Variants in NRP2 observed in about 807,000 individuals in gnomAD.
NRP2 encodes the protein neuropilin 2.
A neutral mutation model predicts 110.4 loss-of-function variants in NRP2; 52 were observed. The observed-to-expected ratio is 0.47, with a 90% CI of 0.38 to 0.59. The LOEUF is 0.59. Ranked by LOEUF, NRP2 falls within the 20% of genes least tolerant of loss-of-function variation. The probability of loss-of-function intolerance (pLI) is 0.00; values close to 1 mark genes in which losing one functional copy is unlikely to be tolerated. For missense variants in NRP2, 1,049 were observed against 1,203.0 expected (o/e 0.87, Z 1.89); for synonymous variants, 508 against 468.9 (o/e 1.08, Z -1.08).
Position 205,745,826 on chromosome 2 carries a change from C to T in NRP2, c.1722C>T (p.Tyr574=), listed in dbSNP as rs754651442. The T allele has an allele frequency of 4.3e-6, 7 of 1,614,064 alleles. No individual in the cohort carries two copies. In the South Asian group the frequency reaches 6.6e-5, roughly 15 times the overall value. The change falls in exon 10 of 17, where the codon TAC becomes TAT. Residue 574 remains tyrosine (Y), a synonymous_variant. Coordinates refer to ENST00000357785, the MANE Select transcript of NRP2 (RefSeq NM_003872.3). ...TTCCGGCACAGTATGTGCGGGTATA[C>T]CCGGAGAGGTGGTCGCCGGCGGGGA... is the stretch of plus-strand genomic sequence containing the variant. ...DPIPAQYVRV[Y]PERWSPAGIG...
chr2:205,688,210 G>A (rs1436281791), intron 1 of NRP2, among the ~76,000 whole-genome samples: 1 of 152,204 alleles, frequency 6.6e-6, no homozygotes, highest in African/African-American at 2.4e-5. Flanking sequence ...TCTGGGCAAT[G>A]GCTTGTAGTG....
chr2:205,723,498 T>C (rs1194490181), intron 4 of NRP2, among the ~76,000 whole-genome samples: 2 of 152,254 alleles, frequency 1.3e-5, no homozygotes, highest in Admixed American at 6.5e-5. Context: ...TCTTCCTCTG[T>C]AGAACAGACA....
intron 4 of NRP2, 148 bp downstream of exon 4, chr2:205,722,856 G>C (rs1461604989): frequency 1.5e-6 from 1 of 676,558 alleles, no homozygotes; most frequent in Non-Finnish European, 2.6e-6. Context: ...CCTTCACTAA[G>C]GATAGCTTGA....
chr2:205,735,789 A>G (rs1266481145), intron 7 of NRP2, among the ~76,000 whole-genome samples: 1 of 152,184 alleles, frequency 6.6e-6, no homozygotes, highest in African/African-American at 2.4e-5. Context: ...ATGCTGGATT[A>G]TATTCAGAAT....
At chr2:205,771,674 C>T (rs2058025577) in intron 15 of NRP2, among the ~76,000 whole-genome samples, 1 of 152,190 alleles carries the variant, frequency 6.6e-6, no homozygotes, top group East Asian at 1.9e-4. Context: ...CACGCCAATC[C>T]TCAGACAGGT....
intron 3 of NRP2, among the ~76,000 whole-genome samples, chr2:205,718,799 G>A (rs1042204867): frequency 2.6e-5 from 4 of 152,028 alleles, no homozygotes; most frequent in African/African-American, 7.2e-5. Context: ...AAACTTAGCC[G>A]GGCATGGTGG....
intron 6 of NRP2, among the ~76,000 whole-genome samples, chr2:205,727,125 G>A (rs2057142710): frequency 6.6e-6 from 1 of 152,206 alleles, no homozygotes; most frequent in South Asian, 2.1e-4. Context: ...CAAATGTTTA[G>A]TAATGCTGAG....
Position 205,743,378 on chromosome 2 carries a change from G to T in NRP2, c.1467G>T (p.Gln489His). 6.2e-7 allele frequency: 1 copy of T among 1,614,244 alleles called. No individual in the cohort carries two copies. Among genetic ancestry groups the T allele is most frequent in the Non-Finnish European group, 8.5e-7 (1 of 1,180,054 alleles). ...CCCAGCCCGGTGAGGAGTGGCTTCA[G>T]GTAGATCTGGGAACACCCAAGACAG... ...PQAQPGEEWL[Q>H]VDLGTPKTVK... Residue 489 changes from glutamine (Q) to histidine (H), a missense_variant, in exon 9 of 17, where the codon CAG becomes CAT. Physicochemically the swap from Gln to His is conservative, Grantham distance 24 (BLOSUM62 0). Transcript: ENST00000357785.
intron 1 of NRP2, among the ~76,000 whole-genome samples, chr2:205,696,361 C>G (rs575045528): frequency 6.6e-6 from 1 of 152,182 alleles, no homozygotes; most frequent in Non-Finnish European, 1.5e-5. Flanking sequence ...ACATAATTCA[C>G]GGGCCCATGC....
chr2:205,728,048 T>TA lies in NRP2; in HGVS notation c.1146+5dup, dbSNP rs1262649356. The TA allele has an allele frequency of 6.2e-7, 1 of 1,614,026 alleles. No homozygotes were observed. The highest frequency in any genetic ancestry group is 1.1e-5 in the South Asian group (1 of 91,074). On this transcript the variant is annotated splice_region_variant and intron_variant, in intron 7 of 16. Transcript: ENST00000357785. ...TACCGGCATGGCAAAAACCACAAGGTAAATCCATGATCCTACCTTAAAGGC... is the reference window on the plus strand; with the variant it reads ...TACCGGCATGGCAAAAACCACAAGGTAAAATCCATGATCCTACCTTAAAGGC...
chr2:205,754,525 C>T (rs1229867626), intron 12 of NRP2, among the ~76,000 whole-genome samples: 1 of 152,202 alleles, frequency 6.6e-6, no homozygotes, highest in East Asian at 1.9e-4. Flanking sequence ...ACACTTACCC[C>T]AGTCCAGCCT....
At chr2:205,778,545 A>G (rs927430617) in intron 15 of NRP2, 1 of 152,250 alleles carries the variant, frequency 6.6e-6, no homozygotes, top group African/African-American at 2.4e-5. Flanking sequence ...TATGCCACTC[A>G]TTAAGGGCTT....
intron 2 of NRP2, among the ~76,000 whole-genome samples, chr2:205,707,231 G>C (rs73062302): frequency 0.021 from 3,189 of 152,324 alleles, 110 homozygotes; most frequent in African/African-American, 0.072. Context: ...GGCCCGGGCT[G>C]CCTGTGCAGC....
chr2:205,732,572 C>G (rs548791812), intron 7 of NRP2, among the ~76,000 whole-genome samples: 2 of 152,194 alleles, frequency 1.3e-5, no homozygotes, highest in Non-Finnish European at 2.9e-5. Context: ...CGGCAAAGCA[C>G]CTTGAGATCT....
intron 4 of NRP2, among the ~76,000 whole-genome samples, chr2:205,723,175 A>T (rs934210031): frequency 1.4e-4 from 21 of 152,318 alleles, no homozygotes; most frequent in African/African-American, 4.8e-4. Flanking sequence ...CTATAATTTT[A>T]AAATTGTCAT....
rs1026755385 is a variant in NRP2, at chr2:205,797,596, C to T, written c.*2538C>T. 6.5e-6 allele frequency: 1 copy of T among 152,704 alleles called. No homozygotes were observed. The highest frequency in any genetic ancestry group is 2.4e-5 in the African/African-American group (1 of 41,536). The allele number at this position is 152,704 out of a possible 1,614,324, so 9.5% of individuals were successfully genotyped here. On this transcript the variant is annotated 3_prime_UTR_variant, in exon 17 of 17. Coordinates refer to ENST00000357785, the MANE Select transcript of NRP2 (RefSeq NM_003872.3). Reference sequence around the variant, plus strand: ...CGCAGGGCTACATGTAGATACCACACCAAGGCTGGAGGCTGGTCTGTCATA... The same window carrying T: ...CGCAGGGCTACATGTAGATACCACATCAAGGCTGGAGGCTGGTCTGTCATA...
intron 15 of NRP2, chr2:205,767,659 C>T: frequency 3.9e-6 from 1 of 256,366 alleles, no homozygotes; most frequent in South Asian, 3.5e-5. Flanking sequence ...TACATTTTGC[C>T]CTCTTTGCAA....
At chr2:205,728,906 T>C (rs849524) in intron 7 of NRP2, among the ~76,000 whole-genome samples, 147,628 of 152,302 alleles carry the variant, frequency 0.97, 71,726 homozygotes, top group South Asian at 1. Context: ...GTGTGATGTC[T>C]GGGGGATTCC....
At chr2:205,705,330 AT>A (rs1243009764) in intron 2 of NRP2, among the ~76,000 whole-genome samples, 2 of 152,272 alleles carry the variant, frequency 1.3e-5, no homozygotes, top group East Asian at 1.9e-4. Flanking sequence ...CATAATCAAA[AT>A]TTTTTTCCTA....
Sources: gnomAD v4.1 joint callset for allele counts (sites outside exome capture counted in the v4.1 genomes callset) on GRCh38, gnomAD v4.1.1 for gene constraint, MANE v1.5 for transcripts, NCBI Gene and HGNC (gene_info 2026-07-23, HGNC 2026-07-21) for gene names.